Variants in NRG2 observed in about 807,000 individuals in gnomAD.
NRG2 encodes the protein neuregulin 2.
A neutral mutation model predicts 73.9 loss-of-function variants in NRG2; 27 were observed. The observed-to-expected ratio is 0.37, with a 90% CI of 0.27 to 0.50. NRG2 has a LOEUF of 0.50. Among genes scored for constraint, NRG2 ranks in the 20% least tolerant of loss-of-function variants. The probability of loss-of-function intolerance (pLI) is 0.96; values close to 1 mark genes in which losing one functional copy is unlikely to be tolerated. For missense variants in NRG2, 1,126 were observed against 1,210.1 expected (o/e 0.93, Z 1.03); for synonymous variants, 532 against 541.0 (o/e 0.98, Z 0.23).
Position 139,927,186 on chromosome 5 carries a change from T to C in NRG2, c.701-39675A>G, listed in dbSNP as rs142404500. ...CTCTAAGAGGCCAAGAAGAACCTAATACAAGGATGTGGTACCTGGCAAGGG... is the reference window on the plus strand; with the variant it reads ...CTCTAAGAGGCCAAGAAGAACCTAACACAAGGATGTGGTACCTGGCAAGGG... On this transcript the variant is annotated intron_variant, in intron 1 of 9. Transcript: ENST00000361474. Among the ~76,000 whole-genome samples the C allele has an allele frequency of 3.6e-3, 541 of 152,270 alleles. 3 individuals are homozygous for C. The highest frequency in any genetic ancestry group is 0.012 in the African/African-American group (512 of 41,558).
chr5:139,946,798 G>T (rs1404432838), intron 1 of NRG2, among the ~76,000 whole-genome samples: 3 of 151,876 alleles, frequency 2.0e-5, no homozygotes, highest in Non-Finnish European at 4.4e-5. Context: ...GTTAAAAATG[G>T]GTTTAATTTT....
At chr5:139,848,775 G>GGGGGGGCC in intron 9 of NRG2, 78 bp from the exon 10 acceptor site, 1 of 601,720 alleles carries the variant, frequency 1.7e-6, no homozygotes, top group East Asian at 4.9e-5. Context: ...GTGGGGTAGG[G>GGGGGGGCC]TGGGAGGGGC....
Position 139,852,025 on chromosome 5 carries a change from A to G in NRG2, c.1545-194T>C, listed in dbSNP as rs1052351292. Among the ~76,000 whole-genome samples, 2 of 152,220 alleles carry G rather than the reference A, an allele frequency of 1.3e-5. No homozygotes were observed. The highest frequency in any genetic ancestry group is 2.9e-5 in the Non-Finnish European group (2 of 68,036). On this transcript the variant is annotated intron_variant, in intron 8 of 9. Coordinates refer to ENST00000361474, the MANE Select transcript of NRG2 (RefSeq NM_004883.3). This position sits in a 1 kb window ranked among gnomAD's most constrained non-coding sequence, Gnocchi z 4.4. Reference sequence around the variant, plus strand: ...TTGGAAGAAGGAGGGCTGGGGTCCCATAGATGGGTGAGCTGTAATGTGCAG... The same window carrying G: ...TTGGAAGAAGGAGGGCTGGGGTCCCGTAGATGGGTGAGCTGTAATGTGCAG...
intron 1 of NRG2, chr5:140,019,600 T>A (rs1760062088): frequency 6.7e-6 from 1 of 148,288 alleles, no homozygotes; most frequent in Non-Finnish European, 1.5e-5. Flanking sequence ...TAAAAATAAT[T>A]TTTTTTAAGA....
intron 1 of NRG2, among the ~76,000 whole-genome samples, chr5:140,041,463 C>T (rs1761910773): frequency 6.6e-6 from 1 of 152,128 alleles, no homozygotes; most frequent in Non-Finnish European, 1.5e-5. Flanking sequence ...CTTCCATTCC[C>T]AGCTGCAGAG....
chr5:139,986,585 C>T (rs1330770440), intron 1 of NRG2, among the ~76,000 whole-genome samples: 1 of 152,204 alleles, frequency 6.6e-6, no homozygotes, highest in African/African-American at 2.4e-5. Context: ...TACTGACCAT[C>T]TCAACTGCAC....
intron 5 of NRG2, chr5:139,859,952 G>A (rs375534845): frequency 3.9e-5 from 63 of 1,608,670 alleles, no homozygotes; most frequent in Non-Finnish European, 5.1e-5. Context: ...AGGGAGGGGT[G>A]GAGGGAGAGA....
At chr5:139,863,520 T>C (rs1762282357) in intron 5 of NRG2, among the ~76,000 whole-genome samples, 1 of 152,216 alleles carries the variant, frequency 6.6e-6, no homozygotes, top group South Asian at 2.1e-4. Flanking sequence ...AGGCCTTGGA[T>C]AGCGGCCCGG....
chr5:139,941,220 T>A (rs1222235042), intron 1 of NRG2, among the ~76,000 whole-genome samples: 1 of 152,170 alleles, frequency 6.6e-6, no homozygotes, highest in Non-Finnish European at 1.5e-5. Context: ...GATTTTCGAC[T>A]TCATGGGCCA....
In NRG2 at chr5:139,987,742, T is replaced by C. The variant is rs552863081; in HGVS notation, c.700+54628A>G. Among the ~76,000 whole-genome samples the C allele has an allele frequency of 1.1e-4, 16 of 152,168 alleles. No homozygotes were observed. In the South Asian group the frequency reaches 3.1e-3, roughly 30 times the overall value. On this transcript the variant is annotated intron_variant, in intron 1 of 9. Coordinates refer to ENST00000361474, the MANE Select transcript of NRG2 (RefSeq NM_004883.3). ...AAAGCCTTATTAAATGCACATATCC[T>C]TTGATATAAGAATTTCATTTCTGCA...
chr5:139,906,029 A>T (rs1342557361), intron 1 of NRG2, among the ~76,000 whole-genome samples: 1 of 151,570 alleles, frequency 6.6e-6, no homozygotes, highest in Non-Finnish European at 1.5e-5. Flanking sequence ...TTTTTTTGAG[A>T]TGTAGTCTCA....
At chr5:139,952,567 C>T (rs1008568104) in intron 1 of NRG2, among the ~76,000 whole-genome samples, 71 of 152,194 alleles carry the variant, frequency 4.7e-4, no homozygotes, top group African/African-American at 1.6e-3. Context: ...CAAGTGGGTC[C>T]TTCCCACTAG....
At chr5:140,020,174 C>A (rs1460423331) in intron 1 of NRG2, among the ~76,000 whole-genome samples, 1 of 152,184 alleles carries the variant, frequency 6.6e-6, no homozygotes, top group Non-Finnish European at 1.5e-5. Flanking sequence ...AAAGTCCACA[C>A]CCAGAGAATC....
At position 139,855,672 on chromosome 5, in the gene NRG2, T is replaced by G; in HGVS notation, c.1292+4A>C. The G allele has an allele frequency of 6.2e-7, 1 of 1,612,576 alleles. No homozygotes were observed. Among genetic ancestry groups the G allele is most frequent in the Non-Finnish European group, 8.5e-7 (1 of 1,178,808 alleles). Reference sequence around the variant, plus strand: ...TGTCCCCAGCTTGAGTGACTGACACTCACTTGGTCTTGCAGTAGGCCACCA... The same window carrying G: ...TGTCCCCAGCTTGAGTGACTGACACGCACTTGGTCTTGCAGTAGGCCACCA... On this transcript the variant is annotated splice_donor_region_variant and intron_variant, in intron 6 of 9. Transcript: ENST00000361474.
At chr5:139,897,666 G>C (rs1418991548) in intron 1 of NRG2, among the ~76,000 whole-genome samples, 1 of 152,144 alleles carries the variant, frequency 6.6e-6, no homozygotes, top group East Asian at 1.9e-4. Context: ...TGACTGATGG[G>C]TGCCTCAGAG....
At position 139,883,910 on chromosome 5, in the gene NRG2, C is replaced by T. The variant is rs546997540; in HGVS notation, c.873-2936G>A. On this transcript the variant is annotated intron_variant, in intron 2 of 9. Coordinates refer to ENST00000361474, the MANE Select transcript of NRG2 (RefSeq NM_004883.3). ...GGGCACACTTTAGACTCTTAGGGGTCCATAATACCCAGGAGGAGAAGACCA... is the reference window on the plus strand; with the variant it reads ...GGGCACACTTTAGACTCTTAGGGGTTCATAATACCCAGGAGGAGAAGACCA... Among the ~76,000 whole-genome samples, 20 of 152,266 alleles carry T rather than the reference C, an allele frequency of 1.3e-4. No individual in the cohort carries two copies. In the East Asian group the frequency reaches 3.9e-3, roughly 29 times the overall value.
At chr5:139,850,903 T>C (rs556215834) in intron 9 of NRG2, among the ~76,000 whole-genome samples, 44 of 152,060 alleles carry the variant, frequency 2.9e-4, no homozygotes, top group Non-Finnish European at 5.0e-4. Context: ...GTTTACTCCT[T>C]CTTCGTGTCT....
At chr5:139,939,563 C>T (rs897028743) in intron 1 of NRG2, among the ~76,000 whole-genome samples, 16 of 152,056 alleles carry the variant, frequency 1.1e-4, no homozygotes, top group Admixed American at 8.5e-4. Flanking sequence ...GTATGAGTCA[C>T]CACATCTGGC....
In NRG2 at chr5:139,881,419, C is replaced by T. The variant is rs146983452; in HGVS notation, c.873-445G>A. 2.6e-3 allele frequency among the ~76,000 whole-genome samples: 403 copies of T among 152,324 alleles called. 1 individual carries two copies. Among genetic ancestry groups the T allele is most frequent in the Middle Eastern group, 0.014 (4 of 294 alleles). On this transcript the variant is annotated intron_variant, in intron 2 of 9. Transcript: ENST00000361474. ...ATACCCGGGAGGGCAGCTGTCCTGA[C>T]GGATTCCCATGGTGATGGTGCCCAG...
Sources: allele counts gnomAD v4.1 joint callset (sites outside exome capture counted in the v4.1 genomes callset), GRCh38; gene constraint gnomAD v4.1.1; non-coding constraint Gnocchi (gnomAD v3.1); transcripts MANE v1.5; gene names NCBI Gene and HGNC (gene_info 2026-07-23, HGNC 2026-07-21).